Variants in CCDC124 observed in about 807,000 individuals in gnomAD.
CCDC124 encodes coiled-coil domain containing 124.
CCDC124 carries 9 observed loss-of-function variants against 19.8 expected under a neutral mutation model. The observed-to-expected ratio is 0.45, with a 90% CI of 0.27 to 0.79. The LOEUF is 0.79. CCDC124 is among the 30% of genes least tolerant of loss of function. The probability of loss-of-function intolerance (pLI) is 0.14; values close to 1 mark genes in which losing one functional copy is unlikely to be tolerated. For synonymous variants in CCDC124, 126 were observed against 131.3 expected (o/e 0.96, Z 0.27); for missense variants, 285 against 319.0 (o/e 0.89, Z 0.81).
Position 17,943,939 on chromosome 19 carries a change from C to T in CCDC124, c.*224C>T. On this transcript the variant is annotated 3_prime_UTR_variant, in exon 5 of 5. Coordinates refer to ENST00000445755, the MANE Select transcript of CCDC124 (RefSeq NM_001136203.2). ...CCCCCGGCGCGTGTGTGTAGAGCCT[C>T]AGGGCTGAGTGCCCAATAAAGGTGG... 4 of 584,942 alleles carry T rather than the reference C, an allele frequency of 6.8e-6. No homozygotes were observed. The South Asian group carries it at 8.3e-5, about 12-fold the overall frequency. The allele number at this position is 584,942 out of a possible 1,614,324, so 36.2% of individuals were successfully genotyped here.
chr19:17,936,335 A>G (rs1176633025), intron 1 of CCDC124, 75 bp from the exon 2 acceptor site: 1 of 1,279,914 alleles, frequency 7.8e-7, no homozygotes, highest in Non-Finnish European at 1.1e-6. Context: ...TGGCTGCCCA[A>G]GTGTGATTCT....
Position 17,943,742 on chromosome 19 carries a change from C to T in CCDC124, c.*27C>T. ...CCCAGAACTTGGGGAGCCAGTTCAC[C>T]CACGGGTGGTCCAGGTCACGACTCT... On this transcript the variant is annotated 3_prime_UTR_variant, in exon 5 of 5. Transcript: ENST00000445755. The T allele has an allele frequency of 1.2e-6, 2 of 1,604,184 alleles. No individual in the cohort carries two copies. The highest frequency in any genetic ancestry group is 2.2e-5 in the East Asian group (1 of 44,688).
At chr19:17,933,667 G>C (rs2030993537) in intron 1 of CCDC124, among the ~76,000 whole-genome samples, 1 of 152,080 alleles carries the variant, frequency 6.6e-6, no homozygotes, top group African/African-American at 2.4e-5. Flanking sequence ...CCCTTTTCCA[G>C]CCTACCTCCT....
chr19:17,937,345 T>C (rs1291357033), intron 2 of CCDC124, among the ~76,000 whole-genome samples: 1 of 151,666 alleles, frequency 6.6e-6, no homozygotes, highest in African/African-American at 2.4e-5. Context: ...GCAGAGGAAA[T>C]GGTGTGTGGA....
Position 17,942,948 on chromosome 19 carries a change from C to T in CCDC124, c.349+103C>T. 1 of 1,360,476 alleles carries T rather than the reference C, an allele frequency of 7.4e-7. No individual in the cohort carries two copies. Among genetic ancestry groups the T allele is most frequent in the Non-Finnish European group, 9.7e-7 (1 of 1,025,838 alleles). 84.3% of individuals were successfully genotyped at this position (1,360,476 alleles called of 1,614,324 possible). ...CTGGCCCCCAGAGAAGCTGCCGGGG[C>T]TCCACGTGGTGCAGGGTGGGTGGGT... is the stretch of plus-strand genomic sequence containing the variant. On this transcript the variant is annotated intron_variant, in intron 3 of 4. Transcript: ENST00000445755. The surrounding 1 kb of genome is among the most constrained non-coding windows in gnomAD (Gnocchi z 4.2).
intron 2 of CCDC124, among the ~76,000 whole-genome samples, chr19:17,941,950 C>A (rs975470435): frequency 1.3e-5 from 2 of 152,140 alleles, no homozygotes; most frequent in African/African-American, 4.8e-5. Flanking sequence ...GAGTACTGCC[C>A]TGAGCTTCCA....
chr19:17,934,295 A>G (rs2031010814), intron 1 of CCDC124, among the ~76,000 whole-genome samples: 1 of 149,140 alleles, frequency 6.7e-6, no homozygotes, highest in South Asian at 2.1e-4. Context: ...CTGAAACAGG[A>G]GAATTGCTTG....
At chr19:17,936,723 G>A in intron 2 of CCDC124, 144 bp downstream of exon 2, 1 of 1,020,574 alleles carries the variant, frequency 9.8e-7, no homozygotes, top group Non-Finnish European at 1.4e-6. Flanking sequence ...GCTCACGCCT[G>A]TCATCCCAGT....
At position 17,936,818 on chromosome 19, in the gene CCDC124, T is replaced by C. The variant is rs2031076173; in HGVS notation, c.159+239T>C. 17 of 441,324 alleles carry C rather than the reference T, an allele frequency of 3.9e-5. No individual in the cohort carries two copies. The East Asian group carries it at 6.2e-4, about 16-fold the overall frequency. The allele number at this position is 441,324 out of a possible 1,614,324, so 27.3% of individuals were successfully genotyped here. ...CAACATGATGAAACCCTGTCTCTAC[T>C]AAAAATACAAAAATTAACTGCGTGG... On this transcript the variant is annotated intron_variant, in intron 2 of 4. Coordinates refer to ENST00000445755, the MANE Select transcript of CCDC124 (RefSeq NM_001136203.2).
chr19:17,933,656 C>T (rs1230643200), intron 1 of CCDC124, among the ~76,000 whole-genome samples: 1 of 152,150 alleles, frequency 6.6e-6, no homozygotes, highest in Non-Finnish European at 1.5e-5. Context: ...TACAAATCGC[C>T]CCCTTTTCCA....
At chr19:17,936,641 G>A in intron 2 of CCDC124, 62 bp downstream of exon 2, 1 of 1,549,416 alleles carries the variant, frequency 6.5e-7, no homozygotes, top group Non-Finnish European at 8.8e-7. Context: ...TGGTCATTAT[G>A]TCAATGTGGG....
chr19:17,943,698 T>C lies in CCDC124; in HGVS notation c.655T>C (p.Phe219Leu). 2.5e-6 allele frequency: 4 copies of C among 1,612,674 alleles called. No individual in the cohort carries two copies. The highest frequency in any genetic ancestry group is 3.4e-6 in the Non-Finnish European group (4 of 1,179,876). ...CCCCATGAACCAGCGGGCCGTGCCC[T>C]TCAATGCCCCCAAGTGAGCCCAGAA... is the stretch of plus-strand genomic sequence containing the variant. ...DNPMNQRAVPFNAPK is the reference protein window; with the variant it reads ...DNPMNQRAVPLNAPK Residue 219 changes from phenylalanine (F) to leucine (L), a missense_variant, in exon 5 of 5, where the codon TTC becomes CTC. By Grantham distance (22) the Phe-to-Leu change is conservative. Coordinates refer to ENST00000445755, the MANE Select transcript of CCDC124 (RefSeq NM_001136203.2).
chr19:17,943,178 C>A, intron 3 of CCDC124, 83 bp from the exon 4 acceptor site: 1 of 1,167,786 alleles, frequency 8.6e-7, no homozygotes, highest in Non-Finnish European at 1.2e-6. Flanking sequence ...CCTAGCTTCT[C>A]TTGCCAGTCT....
Position 17,942,423 on chromosome 19 carries a change from C to T in CCDC124, c.160-233C>T, listed in dbSNP as rs964950331. On this transcript the variant is annotated intron_variant, in intron 2 of 4. Transcript: ENST00000445755. This position sits in a 1 kb window ranked among gnomAD's most constrained non-coding sequence, Gnocchi z 4.2. ...TCCCCCTTGGCCGGCGCTCTTCGCA[C>T]CTAGGAGCGTCACTTCTTCAAGAGC... 3.3e-5 allele frequency among the ~76,000 whole-genome samples: 5 copies of T among 152,186 alleles called. No individual in the cohort carries two copies. Among genetic ancestry groups the T allele is most frequent in the African/African-American group, 9.6e-5 (4 of 41,458 alleles).
At chr19:17,940,610 C>A (rs775596043) in intron 2 of CCDC124, among the ~76,000 whole-genome samples, 31 of 151,828 alleles carry the variant, frequency 2.0e-4, no homozygotes, top group Non-Finnish European at 4.3e-4. Context: ...ACTAAAAATA[C>A]AAAATATTAG....
At position 17,942,705 on chromosome 19, in the gene CCDC124, C is replaced by T. The variant is rs1259664630; in HGVS notation, c.209C>T (p.Thr70Met). 3 of 1,554,878 alleles carry T rather than the reference C, an allele frequency of 1.9e-6. No homozygotes were observed. The highest frequency in any genetic ancestry group is 4.8e-5 in the East Asian group (2 of 42,104). Residue 70 changes from threonine (T) to methionine (M), a missense_variant, in exon 3 of 5, where the codon ACG becomes ATG. By Grantham distance (81) the Thr-to-Met change is moderately conservative. Coordinates refer to ENST00000445755, the MANE Select transcript of CCDC124 (RefSeq NM_001136203.2). The surrounding 1 kb of genome is among the most constrained non-coding windows in gnomAD (Gnocchi z 4.2). The stretch of plus-strand genomic sequence containing the variant: ...GACCAGCTGGAACGTAAGAAGGAGA[C>T]GCAGCGCCTACTGGAGGAGGAGGAC... Reference protein sequence around the residue: ...RLDQLERKKETQRLLEEEDSK... With the variant: ...RLDQLERKKEMQRLLEEEDSK...
At chr19:17,935,088 A>T (rs2031030761) in intron 1 of CCDC124, 2 of 151,870 alleles carry the variant, frequency 1.3e-5, no homozygotes, top group East Asian at 3.9e-4. Context: ...ATTATTTTTT[A>T]TTTTGTAGAG....
At chr19:17,941,852 G>C (rs1260207703) in intron 2 of CCDC124, among the ~76,000 whole-genome samples, 2 of 152,212 alleles carry the variant, frequency 1.3e-5, no homozygotes, top group African/African-American at 4.8e-5. Flanking sequence ...CTGAAGGTGT[G>C]AGAGTCAGAT....
In CCDC124 at chr19:17,942,850, G is replaced by A; in HGVS notation, c.349+5G>A. On this transcript the variant is annotated splice_donor_5th_base_variant and intron_variant, in intron 3 of 4. Coordinates refer to ENST00000445755, the MANE Select transcript of CCDC124 (RefSeq NM_001136203.2). The surrounding 1 kb of genome is among the most constrained non-coding windows in gnomAD (Gnocchi z 4.2). ...TCAGGGAGGCCCCGGACACAGGTCGGGCGGCATCCCGCTCTGGAGCTGCAC... is the reference window on the plus strand; with the variant it reads ...TCAGGGAGGCCCCGGACACAGGTCGAGCGGCATCCCGCTCTGGAGCTGCAC... 6.7e-7 allele frequency: 1 copy of A among 1,496,420 alleles called. No individual in the cohort carries two copies. Among genetic ancestry groups the A allele is most frequent in the East Asian group, 2.5e-5 (1 of 40,584 alleles). The allele number at this position is 1,496,420 out of a possible 1,614,324, so 92.7% of individuals were successfully genotyped here. A position where few individuals can be genotyped will look rare whatever the true frequency, so the allele number is the denominator to read the frequency against.
Sources: allele counts gnomAD v4.1 joint callset (sites outside exome capture counted in the v4.1 genomes callset), GRCh38; gene constraint gnomAD v4.1.1; non-coding constraint Gnocchi (gnomAD v3.1); transcripts MANE v1.5; gene names NCBI Gene and HGNC (gene_info 2026-07-23, HGNC 2026-07-21).